Variants in IQCH observed in about 807,000 individuals in gnomAD.
The protein encoded by IQCH is IQ motif containing H.
IQCH carries 98 observed loss-of-function variants against 117.0 expected under a neutral mutation model. The ratio of observed to expected loss-of-function variants is 0.84; its 90% confidence interval spans 0.71 to 0.99. IQCH has a LOEUF of 0.99. Among genes scored for constraint, IQCH ranks in the 50% least tolerant of loss-of-function variants. The probability of loss-of-function intolerance (pLI) is 0.00; values close to 1 mark genes in which losing one functional copy is unlikely to be tolerated. For synonymous variants in IQCH, 412 were observed against 448.2 expected, an observed-to-expected ratio of 0.92 and a Z score of 1.02; for missense variants, 1,102 against 1,243.8, an observed-to-expected ratio of 0.89 and a Z score of 1.72.
intron 13 of IQCH, among the ~76,000 whole-genome samples, chr15:67,396,478 A>G (rs999850288): frequency 6.6e-6 from 1 of 152,238 alleles, no homozygotes; most frequent in African/African-American, 2.4e-5. Flanking sequence ...GGTCTAAAAC[A>G]TGGGGAGAAA....
At chr15:67,275,867 G>T (rs563329461) in intron 3 of IQCH, among the ~76,000 whole-genome samples, 1 of 152,150 alleles carries the variant, frequency 6.6e-6, no homozygotes, top group South Asian at 2.1e-4. Flanking sequence ...GTGACAGAGT[G>T]AGATCTTGTT....
chr15:67,458,279 CA>C lies in IQCH; in HGVS notation c.2506-6847del, dbSNP rs2082705861. On this transcript the variant is annotated intron_variant, in intron 16 of 20. Coordinates refer to ENST00000335894, the MANE Select transcript of IQCH (RefSeq NM_001031715.3). This position sits in a 1 kb window ranked among gnomAD's most constrained non-coding sequence, Gnocchi z 4.1. Reference sequence around the variant, plus strand: ...GTGGGAAATGGTAATGCTATTCTTCCATTTTCTTCAGGGTGGAAGTTTTGGA... The same window carrying C: ...GTGGGAAATGGTAATGCTATTCTTCCTTTTCTTCAGGGTGGAAGTTTTGGA... Among the ~76,000 whole-genome samples the C allele has an allele frequency of 6.6e-6, 1 of 152,254 alleles. No homozygotes were observed. Among genetic ancestry groups the C allele is most frequent in the African/African-American group, 2.4e-5 (1 of 41,466 alleles).
intron 4 of IQCH, among the ~76,000 whole-genome samples, chr15:67,331,548 CAAAG>C (rs1968667526): frequency 1.3e-5 from 2 of 151,934 alleles, no homozygotes; most frequent in Admixed American, 1.3e-4. Context: ...AAGAAAAAGA[CAAAG>C]GAGGTTAATT....
At chr15:67,278,986 AAT>A (rs1966240332) in intron 3 of IQCH, among the ~76,000 whole-genome samples, 1 of 152,352 alleles carries the variant, frequency 6.6e-6, no homozygotes, top group East Asian at 1.9e-4. Flanking sequence ...AGATTTCAAG[AAT>A]ATAAGTATTA....
At position 67,421,448 on chromosome 15, in the gene IQCH, C is replaced by T. The variant is rs1340571373; in HGVS notation, c.2376C>T (p.Thr792=). 1 of 1,614,072 alleles carries T rather than the reference C, an allele frequency of 6.2e-7. No homozygotes were observed. The highest frequency in any genetic ancestry group is 2.2e-5 in the East Asian group (1 of 44,896). Residue 792 remains threonine, a synonymous_variant, in exon 16 of 21, where the codon ACC becomes ACT. Transcript: ENST00000335894. ...CCTCTGGTACCACCGTGCCTCAGAC[C>T]TCAGTGGATCCCCAAGTTCTCACTT... is the stretch of plus-strand genomic sequence containing the variant. ...FISSGTTVPQ[T]SVDPQVLTYL...
At chr15:67,255,580 T>C (rs889344202) in intron 1 of IQCH, among the ~76,000 whole-genome samples, 1 of 152,258 alleles carries the variant, frequency 6.6e-6, no homozygotes, top group African/African-American at 2.4e-5. Flanking sequence ...GCATTTTGTT[T>C]TCACATTTAT....
rs1261715363 is a variant in IQCH at position 67,411,997 on chromosome 15, C to T, written c.2098-4934C>T. Among the ~76,000 whole-genome samples the T allele has an allele frequency of 6.6e-6, 1 of 152,174 alleles. No homozygotes were observed. Among genetic ancestry groups the T allele is most frequent in the Non-Finnish European group, 1.5e-5 (1 of 68,040 alleles). ...TCCAACGTCCTGACGATTGTTGATG[C>T]ACTCTGAGAGGTAAATGTGGGCACT... On this transcript the variant is annotated intron_variant, in intron 14 of 20. Transcript: ENST00000335894. The surrounding 1 kb of genome is among the most constrained non-coding windows in gnomAD (Gnocchi z 4.4).
chr15:67,254,995 T>G, intron 1 of IQCH, 48 bp downstream of exon 1: 1 of 1,574,442 alleles, frequency 6.4e-7, no homozygotes, highest in Non-Finnish European at 8.7e-7. Context: ...CCGCGCCACT[T>G]CCGAGCGAGG....
intron 6 of IQCH, 83 bp downstream of exon 6, chr15:67,344,274 T>G (rs933713412): frequency 3.8e-6 from 5 of 1,318,510 alleles, no homozygotes; most frequent in Non-Finnish European, 5.3e-6. Context: ...GTAGCCAACT[T>G]TTGTCCTCAA....
chr15:67,314,944 A>G (rs929051434), intron 4 of IQCH, among the ~76,000 whole-genome samples: 1 of 152,200 alleles, frequency 6.6e-6, no homozygotes, highest in Non-Finnish European at 1.5e-5. Flanking sequence ...GTATGGTTTT[A>G]GGTATGATAA....
intron 4 of IQCH, among the ~76,000 whole-genome samples, chr15:67,308,976 C>T (rs1967449965): frequency 6.6e-6 from 1 of 151,966 alleles, no homozygotes; most frequent in African/African-American, 2.4e-5. Context: ...GTATGCATTC[C>T]CAAACCAACC....
intron 6 of IQCH, among the ~76,000 whole-genome samples, chr15:67,352,695 T>C (rs1182785409): frequency 6.6e-6 from 1 of 152,018 alleles, no homozygotes; most frequent in East Asian, 1.9e-4. Context: ...AATTTGTCTT[T>C]TGTTTCCTCT....
At chr15:67,324,441 C>A (rs1481753846) in intron 4 of IQCH, among the ~76,000 whole-genome samples, 5 of 151,824 alleles carry the variant, frequency 3.3e-5, no homozygotes, top group East Asian at 1.9e-4. Context: ...AAAACCCCGC[C>A]TCTACTGAAA....
intron 1 of IQCH, among the ~76,000 whole-genome samples, chr15:67,258,341 G>C (rs1178207197): frequency 6.6e-6 from 1 of 151,814 alleles, no homozygotes; most frequent in Non-Finnish European, 1.5e-5. Context: ...CACCAGCCTG[G>C]ACAACCTGGT....
At chr15:67,483,304 G>T (rs1359740492) in intron 18 of IQCH, among the ~76,000 whole-genome samples, 1 of 152,190 alleles carries the variant, frequency 6.6e-6, no homozygotes, top group African/African-American at 2.4e-5. Context: ...ATCACTTGAG[G>T]CCAGGAGTTT....
rs1434442936 is a variant in IQCH at position 67,365,480 on chromosome 15, A to T, written c.753+5595A>T. Among the ~76,000 whole-genome samples the T allele has an allele frequency of 6.6e-6, 1 of 152,230 alleles. No homozygotes were observed. On this transcript the variant is annotated intron_variant, in intron 8 of 20. Transcript: ENST00000335894. This position sits in a 1 kb window ranked among gnomAD's most constrained non-coding sequence, Gnocchi z 4.4. ...ACCTTTACCGTGTGCCAGGCAGTGTACTAGATAGGCACTGGGGACACAACA... is the reference window on the plus strand; with the variant it reads ...ACCTTTACCGTGTGCCAGGCAGTGTTCTAGATAGGCACTGGGGACACAACA...
intron 20 of IQCH, among the ~76,000 whole-genome samples, chr15:67,498,092 C>G (rs2083873405): frequency 6.6e-6 from 1 of 152,028 alleles, no homozygotes; most frequent in Admixed American, 6.5e-5. Context: ...TCACACTTCT[C>G]AATTTAAAAA....
intron 12 of IQCH, among the ~76,000 whole-genome samples, chr15:67,394,553 T>C (rs576740478): frequency 6.6e-6 from 1 of 152,288 alleles, no homozygotes; most frequent in South Asian, 2.1e-4. Context: ...TTAGTTTTGG[T>C]GTATGCTGTT....
intron 4 of IQCH, among the ~76,000 whole-genome samples, chr15:67,326,252 A>C (rs1038462166): frequency 6.6e-6 from 1 of 152,170 alleles, no homozygotes; most frequent in Non-Finnish European, 1.5e-5. Flanking sequence ...TTTGCTCAGA[A>C]TCATGGTTTC....
Sources: gnomAD v4.1 joint callset for allele counts (sites outside exome capture counted in the v4.1 genomes callset) on GRCh38, gnomAD v4.1.1 for gene constraint, Gnocchi (gnomAD v3.1) non-coding constraint, MANE v1.5 for transcripts, NCBI Gene and HGNC (gene_info 2026-07-23, HGNC 2026-07-21) for gene names.